PDHX: variants seen among roughly 807,000 people sequenced by gnomAD.
PDHX encodes pyruvate dehydrogenase complex component X, also known as pyruvate dehydrogenase protein X component, mitochondrial.
Under a neutral mutation model 55.3 loss-of-function variants are expected in PDHX, and 33 were observed. That is an observed-to-expected ratio of 0.60 (90% confidence interval 0.45 to 0.80). PDHX has a LOEUF of 0.80. Among genes scored for constraint, PDHX ranks in the 30% least tolerant of loss-of-function variants. PDHX has a pLI of 0.00. For missense variants in PDHX, 622 were observed against 619.9 expected, an observed-to-expected ratio of 1.00 and a Z score of -0.04; for synonymous variants, 226 against 219.4, an observed-to-expected ratio of 1.03 and a Z score of -0.27.
intron 1 of PDHX, among the ~76,000 whole-genome samples, chr11:34,917,854 C>T (rs777149223): frequency 6.6e-6 from 1 of 152,188 alleles, no homozygotes; most frequent in Non-Finnish European, 1.5e-5. Context: ...CTTCCCTCCT[C>T]CAAGTTTGTT....
intron 6 of PDHX, among the ~76,000 whole-genome samples, chr11:34,969,895 A>G (rs1444416817): frequency 6.6e-6 from 1 of 152,162 alleles, no homozygotes; most frequent in African/African-American, 2.4e-5. Flanking sequence ...TATCCCATTC[A>G]CAATTGAAAC....
rs189163706 is a variant in PDHX, at chr11:34,958,523, G to A, written c.542+940G>A. On this transcript the variant is annotated intron_variant, in intron 4 of 10. Coordinates refer to ENST00000227868, the MANE Select transcript of PDHX (RefSeq NM_003477.3). ...TCTCCATGTTGGCCAGGCTGGTCTC[G>A]AACTCCTGACTTCATGATCCGCCTG... 5.4e-3 allele frequency among the ~76,000 whole-genome samples: 815 copies of A among 152,200 alleles called. 12 individuals are homozygous for A. Among genetic ancestry groups the A allele is most frequent in the East Asian group, 0.016 (85 of 5,174 alleles).
chr11:34,983,883 C>G (rs1339603024), intron 8 of PDHX, among the ~76,000 whole-genome samples: 1 of 152,204 alleles, frequency 6.6e-6, no homozygotes, highest in Non-Finnish European at 1.5e-5. Flanking sequence ...CCATCCCCAT[C>G]AAGCTACCAA....
chr11:34,969,206 TTAAA>T (rs1337143386), intron 6 of PDHX, among the ~76,000 whole-genome samples: 2 of 152,208 alleles, frequency 1.3e-5, no homozygotes, highest in Non-Finnish European at 2.9e-5. Context: ...GTTAGGTGTA[TTAAA>T]TGCACTTTGA....
intron 7 of PDHX, among the ~76,000 whole-genome samples, chr11:34,973,424 A>G (rs1427050458): frequency 6.6e-6 from 1 of 152,092 alleles, no homozygotes; most frequent in African/African-American, 2.4e-5. Flanking sequence ...GGATAGTTGG[A>G]TTTAAATCTA....
At chr11:34,949,485 C>A (rs538980455) in intron 3 of PDHX, among the ~76,000 whole-genome samples, 1 of 152,278 alleles carries the variant, frequency 6.6e-6, no homozygotes, top group Admixed American at 6.5e-5. Flanking sequence ...AATCTGCCCA[C>A]CTTGGCCTCC....
At chr11:34,978,022 T>C in intron 7 of PDHX, 102 bp from the exon 8 acceptor site, 1 of 720,454 alleles carries the variant, frequency 1.4e-6, no homozygotes, top group Non-Finnish European at 2.5e-6. Context: ...TTTTTATCAT[T>C]GTTTGTCAGT....
chr11:34,951,893 T>A (rs1336263188), intron 3 of PDHX, among the ~76,000 whole-genome samples: 1 of 152,146 alleles, frequency 6.6e-6, no homozygotes, highest in Non-Finnish European at 1.5e-5. Flanking sequence ...AAGGAAGGGA[T>A]CCAGTTTCAG....
chr11:34,995,102 A>C lies in PDHX; in HGVS notation c.1436A>C (p.Asp479Ala). ...VTMSSDSRVV[D>A]DELATRFLKS... ...ATGTCAAGTGACAGTCGAGTGGTTG[A>C]TGACGAACTGGCAACCAGGTTTCTT... Residue 479 changes from aspartate to alanine, a missense_variant, in exon 11 of 11, where the codon GAT becomes GCT. Transcript: ENST00000227868. The C allele has an allele frequency of 6.2e-7, 1 of 1,614,082 alleles. No homozygotes were observed. Among genetic ancestry groups the C allele is most frequent in the Non-Finnish European group, 8.5e-7 (1 of 1,179,932 alleles).
At chr11:34,943,700 A>G (rs1220265212) in intron 2 of PDHX, among the ~76,000 whole-genome samples, 4 of 152,020 alleles carry the variant, frequency 2.6e-5, no homozygotes, top group African/African-American at 4.8e-5. Flanking sequence ...CTCGCATACT[A>G]TTTGCCAGTT....
chr11:34,971,509 G>T (rs751668901), intron 7 of PDHX, among the ~76,000 whole-genome samples: 1 of 152,072 alleles, frequency 6.6e-6, no homozygotes, highest in Non-Finnish European at 1.5e-5. Context: ...AATAGATGTT[G>T]AATTTTCTCA....
chr11:34,952,593 A>G (rs1854800810), intron 3 of PDHX, among the ~76,000 whole-genome samples: 1 of 151,962 alleles, frequency 6.6e-6, no homozygotes, highest in Admixed American at 6.6e-5. Flanking sequence ...CAAAAACCAC[A>G]TGATTATCTC....
intron 2 of PDHX, among the ~76,000 whole-genome samples, chr11:34,944,372 G>T (rs1278373645): frequency 6.6e-6 from 1 of 151,916 alleles, no homozygotes; most frequent in African/African-American, 2.4e-5. Context: ...CACCCACCTC[G>T]GCCTCCCAAA....
At chr11:34,985,560 C>T (rs1203896931) in intron 9 of PDHX, among the ~76,000 whole-genome samples, 1 of 152,144 alleles carries the variant, frequency 6.6e-6, no homozygotes, top group Non-Finnish European at 1.5e-5. Flanking sequence ...AATAGTACAT[C>T]GAATAGGCAA....
intron 1 of PDHX, among the ~76,000 whole-genome samples, chr11:34,923,941 A>G (rs935417907): frequency 2.0e-5 from 3 of 152,224 alleles, no homozygotes; most frequent in Non-Finnish European, 2.9e-5. Context: ...GAATTAGTGT[A>G]CTTTAGTCAT....
intron 2 of PDHX, among the ~76,000 whole-genome samples, chr11:34,932,614 G>A (rs1157897858): frequency 6.6e-6 from 1 of 152,202 alleles, no homozygotes; most frequent in Non-Finnish European, 1.5e-5. Flanking sequence ...AAGGGAAGAA[G>A]CAGGACTCTC....
chr11:34,994,665 T>A lies in PDHX; in HGVS notation c.1248-249T>A, dbSNP rs1008812611. 2.6e-5 allele frequency among the ~76,000 whole-genome samples: 4 copies of A among 152,238 alleles called. 1 individual carries two copies. Among genetic ancestry groups the A allele is most frequent in the Non-Finnish European group, 4.4e-5 (3 of 68,034 alleles). On this transcript the variant is annotated intron_variant, in intron 10 of 10. Transcript: ENST00000227868. ...CATGACTCGATATAAAATGGATTGT[T>A]ATATTGACCTTTTATCTGATGACTT...
chr11:34,933,493 T>C (rs1481826106), intron 2 of PDHX, among the ~76,000 whole-genome samples: 2 of 152,200 alleles, frequency 1.3e-5, no homozygotes, highest in South Asian at 2.1e-4. Flanking sequence ...GATAATATCA[T>C]TGGAAACTTG....
At chr11:34,928,936 T>G (rs919434115) in intron 1 of PDHX, among the ~76,000 whole-genome samples, 2 of 152,218 alleles carry the variant, frequency 1.3e-5, no homozygotes, top group African/African-American at 2.4e-5. Context: ...AAGGACTTAT[T>G]TTACTAAGTA....
Sources: gnomAD v4.1 joint callset for allele counts (sites outside exome capture counted in the v4.1 genomes callset) on GRCh38, gnomAD v4.1.1 for gene constraint, MANE v1.5 for transcripts, NCBI Gene and HGNC (gene_info 2026-07-23, HGNC 2026-07-21) for gene names.